SNX29: variants seen among roughly 807,000 people sequenced by gnomAD.
SNX29 encodes sorting nexin-29.
Under a neutral mutation model 102.1 loss-of-function variants are expected in SNX29, and 78 were observed. The observed-to-expected ratio is 0.76, with a 90% CI of 0.64 to 0.92. The LOEUF (loss-of-function observed/expected upper bound fraction) is 0.92, where lower values mean the gene tolerates loss of function less well. SNX29 is among the 40% of genes least tolerant of loss of function. SNX29 has a pLI of 0.00. For synonymous variants in SNX29, 580 were observed against 414.5 expected, an observed-to-expected ratio of 1.40 and a Z score of -4.85; for missense variants, 1,280 against 1,061.7, an observed-to-expected ratio of 1.21 and a Z score of -2.86.
intron 14 of SNX29, among the ~76,000 whole-genome samples, chr16:12,274,371 G>C (rs529630816): frequency 9.2e-5 from 14 of 152,304 alleles, no homozygotes; most frequent in African/African-American, 3.1e-4. Context: ...GTCTGTGAGT[G>C]AGGCTTGCTT....
rs2079193876 is a variant in SNX29, at chr16:12,571,821, G to GGAGC, written c.*3192_*3193insGAGC. 3.8e-6 allele frequency: 4 copies of GGAGC among 1,039,712 alleles called. No homozygotes were observed. Among genetic ancestry groups the GGAGC allele is most frequent in the African/African-American group, 1.7e-5 (1 of 60,316 alleles). The allele number at this position is 1,039,712 out of a possible 1,614,324, so 64.4% of individuals were successfully genotyped here. A position where few individuals can be genotyped will look rare whatever the true frequency, so the allele number is the denominator to read the frequency against. ...ATCAGTGTGAAATTCCAGCTTCTTTGATTCCCACTTAGCAGTATGCTCCAA... is the reference window on the plus strand; with the variant it reads ...ATCAGTGTGAAATTCCAGCTTCTTTGGAGCATTCCCACTTAGCAGTATGCTCCAA... On this transcript the variant is annotated 3_prime_UTR_variant, in exon 21 of 21. Coordinates refer to ENST00000566228, the MANE Select transcript of SNX29 (RefSeq NM_032167.5).
At chr16:12,149,009 G>C (rs541784345) in intron 13 of SNX29, among the ~76,000 whole-genome samples, 1 of 152,092 alleles carries the variant, frequency 6.6e-6, no homozygotes, top group East Asian at 1.9e-4. Flanking sequence ...GCCTGCCTTC[G>C]TCTCATTAGT....
intron 5 of SNX29, among the ~76,000 whole-genome samples, chr16:12,044,772 G>T (rs757034815): frequency 1.3e-5 from 2 of 152,122 alleles, no homozygotes; most frequent in Non-Finnish European, 2.9e-5. Flanking sequence ...TAGAGACGGG[G>T]CTTCACTGTG....
chr16:11,995,096 C>T (rs1485220462), intron 1 of SNX29, among the ~76,000 whole-genome samples: 1 of 152,162 alleles, frequency 6.6e-6, no homozygotes, highest in Non-Finnish European at 1.5e-5. Flanking sequence ...GAGACACTCT[C>T]ACTCTGTTGC....
intron 14 of SNX29, among the ~76,000 whole-genome samples, chr16:12,216,285 G>T (rs2077321596): frequency 6.6e-6 from 1 of 152,128 alleles, no homozygotes; most frequent in African/African-American, 2.4e-5. Context: ...AAACAGTCTT[G>T]GGAGAAGCAT....
At chr16:12,548,470 C>T (rs539226679) in intron 20 of SNX29, among the ~76,000 whole-genome samples, 10 of 152,308 alleles carry the variant, frequency 6.6e-5, no homozygotes, top group East Asian at 1.9e-4. Context: ...TGGACAGCAC[C>T]GGGCTTTCAG....
At chr16:12,566,816 C>G (rs72775241) in intron 20 of SNX29, among the ~76,000 whole-genome samples, 32,049 of 152,278 alleles carry the variant, frequency 0.21, 4,387 homozygotes, top group Non-Finnish European at 0.3. Flanking sequence ...TGATTCAGAG[C>G]AGCTCCGGCT....
At position 12,313,028 on chromosome 16, in the gene SNX29, T is replaced by A. The variant is rs561680126; in HGVS notation, c.1782+34992T>A. Among the ~76,000 whole-genome samples the A allele has an allele frequency of 2.6e-4, 40 of 151,624 alleles. No individual in the cohort carries two copies. The South Asian group carries it at 7.7e-3, about 29-fold the overall frequency. ...GGAGACTTTTTGTTTTCTGTTTTTT[T>A]TTTTTAGACGGAGTATCACTCTGTC... On this transcript the variant is annotated intron_variant, in intron 15 of 20. Transcript: ENST00000566228.
intron 20 of SNX29, among the ~76,000 whole-genome samples, chr16:12,567,577 C>G (rs966691073): frequency 6.6e-6 from 1 of 151,992 alleles, no homozygotes; most frequent in Non-Finnish European, 1.5e-5. Context: ...TGAGACCAGC[C>G]TGGACAAGAG....
chr16:12,396,650 C>T (rs563401901), intron 16 of SNX29, among the ~76,000 whole-genome samples: 14 of 152,240 alleles, frequency 9.2e-5, no homozygotes, highest in South Asian at 8.3e-4. Flanking sequence ...TAGAACGGGG[C>T]GTGGCCTTAG....
In SNX29 at chr16:12,572,948, T is replaced by C. The variant is rs1311041616; in HGVS notation, c.*4319T>C. The C allele has an allele frequency of 1.9e-5, 13 of 699,220 alleles. No individual in the cohort carries two copies. The highest frequency in any genetic ancestry group is 2.4e-5 in the Non-Finnish European group (13 of 545,650). The allele number at this position is 699,220 out of a possible 1,614,324, so 43.3% of individuals were successfully genotyped here. ...TTTCTTCAAGGCAGGCATCTGCTTA[T>C]GAGCAAGGTCAAAGATTTTTCAAAA... On this transcript the variant is annotated 3_prime_UTR_variant, in exon 21 of 21. Transcript: ENST00000566228.
chr16:12,170,966 C>G (rs1245099418), intron 13 of SNX29, among the ~76,000 whole-genome samples: 1 of 151,962 alleles, frequency 6.6e-6, no homozygotes, highest in East Asian at 1.9e-4. Flanking sequence ...GGAGAAAAAT[C>G]CCGGCCAGCG....
intron 18 of SNX29, among the ~76,000 whole-genome samples, chr16:12,420,838 C>T (rs2084844852): frequency 6.6e-6 from 1 of 152,108 alleles, no homozygotes. Context: ...CCCACAAGGC[C>T]CCATGTCCGC....
At chr16:12,315,964 G>C (rs2080719785) in intron 15 of SNX29, among the ~76,000 whole-genome samples, 1 of 152,230 alleles carries the variant, frequency 6.6e-6, no homozygotes, top group African/African-American at 2.4e-5. Context: ...CCTTTCTAGT[G>C]AGTGAGATAG....
chr16:12,331,656 A>C (rs1278640491), intron 15 of SNX29, among the ~76,000 whole-genome samples: 3 of 152,066 alleles, frequency 2.0e-5, no homozygotes, highest in Admixed American at 6.6e-5. Context: ...GGTTCATGCA[A>C]ATCTCCTGCC....
intron 3 of SNX29, among the ~76,000 whole-genome samples, chr16:12,010,069 C>T (rs964461553): frequency 2.6e-5 from 4 of 152,190 alleles, no homozygotes; most frequent in Non-Finnish European, 5.9e-5. Flanking sequence ...TCTTGCACCT[C>T]AATATCCTCA....
intron 15 of SNX29, among the ~76,000 whole-genome samples, chr16:12,300,398 T>A (rs1596815232): frequency 6.6e-6 from 1 of 152,174 alleles, no homozygotes; most frequent in African/African-American, 2.4e-5. Flanking sequence ...AGTGATCAGC[T>A]TGGTGGTTTC....
intron 15 of SNX29, among the ~76,000 whole-genome samples, chr16:12,342,344 A>G (rs1368513612): frequency 6.6e-6 from 1 of 152,134 alleles, no homozygotes; most frequent in African/African-American, 2.4e-5. Context: ...TGTCCCATGG[A>G]GAGAAGAGAT....
At chr16:12,224,458 C>T (rs544085720) in intron 14 of SNX29, among the ~76,000 whole-genome samples, 22 of 152,308 alleles carry the variant, frequency 1.4e-4, no homozygotes, top group Non-Finnish European at 3.2e-4. Flanking sequence ...CACCACAGGA[C>T]GTGTTTCTTA....
Sources: gnomAD v4.1 joint callset for allele counts (sites outside exome capture counted in the v4.1 genomes callset) on GRCh38, gnomAD v4.1.1 for gene constraint, MANE v1.5 for transcripts, NCBI Gene and HGNC (gene_info 2026-07-23, HGNC 2026-07-21) for gene names.